TWIST2: variants seen among roughly 807,000 people sequenced by gnomAD.
TWIST2 encodes the protein twist family bHLH transcription factor 2, also known as twist-related protein 2.
A neutral mutation model predicts 11.6 loss-of-function variants in TWIST2; 1 was observed. That is an observed-to-expected ratio of 0.09 (90% CI 0.03 to 0.41). The LOEUF is 0.41. Ranked by LOEUF, TWIST2 falls within the 10% of genes least tolerant of loss-of-function variation. The probability of loss-of-function intolerance (pLI) is 0.98; values close to 1 mark genes in which losing one functional copy is unlikely to be tolerated. For synonymous variants in TWIST2, 87 were observed against 96.6 expected, an observed-to-expected ratio of 0.90 and a Z score of 0.58; for missense variants, 168 against 226.4, an observed-to-expected ratio of 0.74 and a Z score of 1.66.
At chr2:238,905,586 G>A (rs1693330081) in intron 1 of TWIST2, among the ~76,000 whole-genome samples, 1 of 152,130 alleles carries the variant, frequency 6.6e-6, no homozygotes, top group African/African-American at 2.4e-5. Flanking sequence ...GCCAGGGAAC[G>A]GCCCCTGTCA....
At chr2:238,865,611 G>A (rs1692516314) in intron 1 of TWIST2, among the ~76,000 whole-genome samples, 1 of 152,134 alleles carries the variant, frequency 6.6e-6, no homozygotes, top group South Asian at 2.1e-4. Flanking sequence ...CTGGCTTTGG[G>A]TGGCCCAGCC....
At chr2:238,891,033 G>A (rs1048267510) in intron 1 of TWIST2, among the ~76,000 whole-genome samples, 1 of 152,164 alleles carries the variant, frequency 6.6e-6, no homozygotes, top group Non-Finnish European at 1.5e-5. Flanking sequence ...CCCGAGCTTC[G>A]GCGTGGTCCA....
At chr2:238,850,939 C>T (rs1205305747) in intron 1 of TWIST2, among the ~76,000 whole-genome samples, 1 of 152,202 alleles carries the variant, frequency 6.6e-6, no homozygotes, top group Non-Finnish European at 1.5e-5. Context: ...ATTTATCAGG[C>T]ACGTTAGGCA....
chr2:238,868,069 G>T (rs1196757678), intron 1 of TWIST2, among the ~76,000 whole-genome samples: 1 of 152,206 alleles, frequency 6.6e-6, no homozygotes, highest in East Asian at 1.9e-4. Flanking sequence ...TAGGAAGGTG[G>T]CTGGCATTCC....
chr2:238,902,332 G>T (rs1693277344), intron 1 of TWIST2, among the ~76,000 whole-genome samples: 1 of 151,164 alleles, frequency 6.6e-6, no homozygotes, highest in Non-Finnish European at 1.5e-5. Flanking sequence ...GTGGTGTGGG[G>T]GTGTGTGGTG....
Position 238,848,799 on chromosome 2 carries a change from T to C in TWIST2, c.*35+66T>C, listed in dbSNP as rs1692182754. ...GGCGGGCGGCAGGGGCGCAGGGGCATTGGGGCCTGCTCGTGTCTCCTCGGC... is the reference window on the plus strand; with the variant it reads ...GGCGGGCGGCAGGGGCGCAGGGGCACTGGGGCCTGCTCGTGTCTCCTCGGC... On this transcript the variant is annotated intron_variant, in intron 1 of 1. Coordinates refer to ENST00000612363, the MANE Select transcript of TWIST2 (RefSeq NM_001271893.4). 9.8e-6 allele frequency: 12 copies of C among 1,229,882 alleles called. No homozygotes were observed. The Admixed American group carries it at 4.3e-4, about 44-fold the overall frequency. 76.2% of individuals were successfully genotyped at this position (1,229,882 alleles called of 1,614,324 possible).
intron 1 of TWIST2, among the ~76,000 whole-genome samples, chr2:238,870,042 G>T (rs1472261371): frequency 7.1e-6 from 1 of 141,836 alleles, no homozygotes; most frequent in East Asian, 2.1e-4. Context: ...ATAGAAGACA[G>T]TACGGAGGGT....
chr2:238,900,056 T>G (rs1693250508), intron 1 of TWIST2, among the ~76,000 whole-genome samples: 1 of 152,256 alleles, frequency 6.6e-6, no homozygotes, highest in African/African-American at 2.4e-5. Flanking sequence ...ATGGGAATTA[T>G]CTGTTCATAG....
chr2:238,867,410 CA>C lies in TWIST2; in HGVS notation c.*35+18678del, dbSNP rs1559271919. ...ACACACACACACACACACACACACA[CA>C]CTCCTCAGTAAAATACCCAGTTCTC... is the stretch of plus-strand genomic sequence containing the variant. On this transcript the variant is annotated intron_variant, in intron 1 of 1. Coordinates refer to ENST00000612363, the MANE Select transcript of TWIST2 (RefSeq NM_001271893.4). This position sits in a 1 kb window ranked among gnomAD's most constrained non-coding sequence, Gnocchi z 4.8. Among the ~76,000 whole-genome samples the C allele has an allele frequency of 8.0e-5, 12 of 149,590 alleles. No individual in the cohort carries two copies. The highest frequency in any genetic ancestry group is 2.7e-4 in the African/African-American group (11 of 41,126).
At chr2:238,885,993 G>A (rs1693027869) in intron 1 of TWIST2, among the ~76,000 whole-genome samples, 1 of 151,400 alleles carries the variant, frequency 6.6e-6, no homozygotes, top group African/African-American at 2.4e-5. Context: ...CTACTCAGGA[G>A]ACTAAGGCAG....
At chr2:238,888,607 T>TA (rs1034407000) in intron 1 of TWIST2, among the ~76,000 whole-genome samples, 1 of 152,186 alleles carries the variant, frequency 6.6e-6, no homozygotes, top group Admixed American at 6.5e-5. Context: ...TTACATGCAT[T>TA]AAAAATGGCC....
intron 1 of TWIST2, among the ~76,000 whole-genome samples, chr2:238,909,504 C>G (rs1265672266): frequency 6.6e-6 from 1 of 152,136 alleles, no homozygotes; most frequent in Non-Finnish European, 1.5e-5. Context: ...AGGGGCTCAC[C>G]CACAGCCAGA....
chr2:238,900,757 G>C (rs1376237251), intron 1 of TWIST2, among the ~76,000 whole-genome samples: 5 of 152,126 alleles, frequency 3.3e-5, no homozygotes, highest in African/African-American at 1.2e-4. Flanking sequence ...TGCATCTGCT[G>C]GTTGTCTGGG....
In TWIST2 at chr2:238,866,154, G is replaced by A. The variant is rs1463244929; in HGVS notation, c.*35+17421G>A. On this transcript the variant is annotated intron_variant, in intron 1 of 1. Coordinates refer to ENST00000612363, the MANE Select transcript of TWIST2 (RefSeq NM_001271893.4). The surrounding 1 kb of genome is among the most constrained non-coding windows in gnomAD (Gnocchi z 4.9). ...CCATTTCACCTGCTGCCAGCAGGATGGCCAGGCCTGCCAGGCACCGCCCAG... is the reference window on the plus strand; with the variant it reads ...CCATTTCACCTGCTGCCAGCAGGATAGCCAGGCCTGCCAGGCACCGCCCAG... Among the ~76,000 whole-genome samples the A allele has an allele frequency of 6.6e-6, 1 of 152,202 alleles. No individual in the cohort carries two copies. Among genetic ancestry groups the A allele is most frequent in the Non-Finnish European group, 1.5e-5 (1 of 68,040 alleles).
chr2:238,887,614 G>C lies in TWIST2; in HGVS notation c.*36-22228G>C, dbSNP rs950729516. Reference sequence around the variant, plus strand: ...CACTCCTCAGAGCCCCTGTGGTTAGGCAGGGCCATAGGACTAGTTCCAGCC... The same window carrying C: ...CACTCCTCAGAGCCCCTGTGGTTAGCCAGGGCCATAGGACTAGTTCCAGCC... On this transcript the variant is annotated intron_variant, in intron 1 of 1. Transcript: ENST00000612363. Among the ~76,000 whole-genome samples, 3 of 152,306 alleles carry C rather than the reference G, an allele frequency of 2.0e-5. No individual in the cohort carries two copies. In the South Asian group the frequency reaches 6.2e-4, roughly 32 times the overall value.
At chr2:238,859,533 A>G (rs866285322) in intron 1 of TWIST2, among the ~76,000 whole-genome samples, 1 of 151,934 alleles carries the variant, frequency 6.6e-6, no homozygotes, top group Non-Finnish European at 1.5e-5. Flanking sequence ...TAAAAGCTCA[A>G]ATGATAAATT....
At chr2:238,900,986 C>CTTTTT (rs1248385207) in intron 1 of TWIST2, among the ~76,000 whole-genome samples, 1 of 139,668 alleles carries the variant, frequency 7.2e-6, no homozygotes, top group Admixed American at 7.2e-5. Flanking sequence ...TCCCCCCCGG[C>CTTTTT]TTTTTTTTTT....
chr2:238,905,950 CGTGTGTACGTGTGCGTGTGTGT>C (rs1693345135), intron 1 of TWIST2, among the ~76,000 whole-genome samples: 5 of 119,460 alleles, frequency 4.2e-5, no homozygotes, highest in South Asian at 2.4e-4. Context: ...TGTGCGCGCG[CGTGTGTACGTGTGCGTGTGTGT>C]GCGCGCGCGT....
In TWIST2 at chr2:238,860,365, AC is replaced by A. The variant is rs572833582; in HGVS notation, c.*35+11634del. Among the ~76,000 whole-genome samples, 12 of 152,254 alleles carry A rather than the reference AC, an allele frequency of 7.9e-5. No homozygotes were observed. The South Asian group carries it at 2.1e-3, about 26-fold the overall frequency. On this transcript the variant is annotated intron_variant, in intron 1 of 1. Coordinates refer to ENST00000612363, the MANE Select transcript of TWIST2 (RefSeq NM_001271893.4). ...TGCACCCTTTACATGCTCCTCAGCC[AC>A]CTGTGTTTGAGACACTGTCAAAACC... is the stretch of plus-strand genomic sequence containing the variant.
Sources: gnomAD v4.1 joint callset for allele counts (sites outside exome capture counted in the v4.1 genomes callset) on GRCh38, gnomAD v4.1.1 for gene constraint, Gnocchi (gnomAD v3.1) non-coding constraint, MANE v1.5 for transcripts, NCBI Gene and HGNC (gene_info 2026-07-23, HGNC 2026-07-21) for gene names.